P2RY12: variants seen among roughly 807,000 people sequenced by gnomAD.
P2RY12 encodes P2Y purinoceptor 12.
P2RY12 carries 3 observed loss-of-function variants against 4.5 expected under a neutral mutation model. The observed-to-expected ratio is 0.67, with a 90% confidence interval of 0.31 to 1.74. P2RY12 has a LOEUF of 1.74. Ranked by LOEUF, P2RY12 falls within the 40% of genes most tolerant of loss-of-function variation. The pLI is 0.09. For missense variants in P2RY12, 356 were observed against 407.8 expected, an observed-to-expected ratio of 0.87 and a Z score of 1.09; for synonymous variants, 148 against 154.1, an observed-to-expected ratio of 0.96 and a Z score of 0.29.
At chr3:151,365,647 AC>A (rs1755184023) in intron 1 of P2RY12, among the ~76,000 whole-genome samples, 1 of 152,224 alleles carries the variant, frequency 6.6e-6, no homozygotes, top group African/African-American at 2.4e-5. Context: ...TTGTTGCTTA[AC>A]AGCATTGTCA....
intron 1 of P2RY12, among the ~76,000 whole-genome samples, chr3:151,383,458 G>T (rs1034345743): frequency 6.6e-6 from 1 of 152,158 alleles, no homozygotes; most frequent in African/African-American, 2.4e-5. Flanking sequence ...CATTATTCAG[G>T]TTTAATTCAA....
chr3:151,384,329 T>G, intron 1 of P2RY12: 1 of 1,118,848 alleles, frequency 8.9e-7, no homozygotes, highest in Non-Finnish European at 1.2e-6. Flanking sequence ...CAACTTAATT[T>G]AATGTGATTA....
intron 1 of P2RY12, chr3:151,357,210 C>A: frequency 6.3e-7 from 1 of 1,588,730 alleles, no homozygotes; most frequent in Non-Finnish European, 8.6e-7. Context: ...TCTCCTGTTA[C>A]AGTTACTAAA....
chr3:151,358,458 G>A (rs933521313), intron 1 of P2RY12, among the ~76,000 whole-genome samples: 5 of 152,102 alleles, frequency 3.3e-5, no homozygotes, highest in South Asian at 2.1e-4. Context: ...AAAATCTTTC[G>A]AACTGGAAGC....
At chr3:151,339,211 C>G (rs904217699) in intron 2 of P2RY12, among the ~76,000 whole-genome samples, 2 of 152,114 alleles carry the variant, frequency 1.3e-5, no homozygotes, top group Admixed American at 1.3e-4. Context: ...TTACTCTTCT[C>G]TAGCTTCCCC....
At chr3:151,382,982 A>C (rs372183050) in intron 1 of P2RY12, among the ~76,000 whole-genome samples, 1 of 152,112 alleles carries the variant, frequency 6.6e-6, no homozygotes, top group East Asian at 1.9e-4. Context: ...TGCCTTCTCT[A>C]CCTCTACCCC....
chr3:151,338,786 G>A lies in P2RY12; in HGVS notation c.60C>T (p.Asp20=), dbSNP rs755282106. ...APGNTSLCTR[D]YKITQVLFPL... ...GGAAGAGGACCTGGGTGATTTTGTA[G>A]TCTCTGGTGCACAGACTGGTGTTAC... The change falls in exon 3 of 3, where the codon GAC becomes GAT. Residue 20 remains aspartate, a synonymous_variant. Coordinates refer to ENST00000302632, the MANE Select transcript of P2RY12 (RefSeq NM_022788.5). 4.3e-6 allele frequency: 7 copies of A among 1,613,952 alleles called. No homozygotes were observed. The South Asian group carries it at 7.7e-5, about 18-fold the overall frequency.
At chr3:151,360,432 T>G (rs1343568397) in intron 1 of P2RY12, 1 of 1,588,772 alleles carries the variant, frequency 6.3e-7, no homozygotes, top group Admixed American at 1.7e-5. Flanking sequence ...ACCCACATAG[T>G]ACAAATCTAT....
Position 151,338,859 on chromosome 3 carries a change from C to T in P2RY12, c.-14G>A, listed in dbSNP as rs1177661446. On this transcript the variant is annotated splice_region_variant and 5_prime_UTR_variant, in exon 3 of 3. Coordinates refer to ENST00000302632, the MANE Select transcript of P2RY12 (RefSeq NM_022788.5). ...GACGGCTTGCATTTCTTGTTGGTTA[C>T]CTAGAGAACAAAAGAGAGGATGGTT... 2.5e-6 allele frequency: 4 copies of T among 1,610,898 alleles called. No individual in the cohort carries two copies. The highest frequency in any genetic ancestry group is 4.5e-5 in the East Asian group (2 of 44,854).
At chr3:151,383,794 G>T in intron 1 of P2RY12, 1 of 1,611,750 alleles carries the variant, frequency 6.2e-7, no homozygotes, top group South Asian at 1.1e-5. Flanking sequence ...AGGAATGTTT[G>T]ACACGGTGCA....
At chr3:151,376,287 CT>C (rs1227854639) in intron 1 of P2RY12, 5 of 1,170,954 alleles carry the variant, frequency 4.3e-6, no homozygotes, top group East Asian at 2.8e-5. Context: ...TACTTCCTCT[CT>C]TTTTTTGTCC....
At chr3:151,382,882 C>G in intron 1 of P2RY12, 1 of 625,444 alleles carries the variant, frequency 1.6e-6, no homozygotes, top group Non-Finnish European at 2.8e-6. Context: ...GTAATTACTT[C>G]CCTGTTTCTA....
At chr3:151,343,138 G>A (rs765613657) in intron 1 of P2RY12, among the ~76,000 whole-genome samples, 6 of 152,112 alleles carry the variant, frequency 3.9e-5, no homozygotes, top group South Asian at 4.1e-4. Flanking sequence ...ATGGTTGTAC[G>A]TCTTTCAATA....
chr3:151,340,439 A>G (rs183928264), intron 2 of P2RY12, among the ~76,000 whole-genome samples, 157 bp downstream of exon 2: 152 of 152,258 alleles, frequency 1.0e-3, no homozygotes, highest in African/African-American at 3.5e-3. Flanking sequence ...GACATCACTA[A>G]TTAGACTTCT....
chr3:151,376,757 C>CA, intron 1 of P2RY12: 1 of 1,490,458 alleles, frequency 6.7e-7, no homozygotes. Flanking sequence ...TATTTTAACA[C>CA]ATTTGATACC....
chr3:151,348,106 T>G (rs74807235), intron 1 of P2RY12, among the ~76,000 whole-genome samples: 1 of 152,148 alleles, frequency 6.6e-6, no homozygotes, highest in African/African-American at 2.4e-5. Context: ...CCTTGTATTT[T>G]TTCAGGGCTC....
chr3:151,341,983 G>A (rs1751907797), intron 1 of P2RY12, among the ~76,000 whole-genome samples: 1 of 152,090 alleles, frequency 6.6e-6, no homozygotes, highest in Non-Finnish European at 1.5e-5. Flanking sequence ...ATCATTGTTG[G>A]ACTTTTGGGT....
chr3:151,347,966 T>C (rs1752732381), intron 1 of P2RY12, among the ~76,000 whole-genome samples: 1 of 152,186 alleles, frequency 6.6e-6, no homozygotes, highest in Middle Eastern at 3.2e-3. Flanking sequence ...ATAGTGATCC[T>C]GTGCGATGTG....
intron 1 of P2RY12, among the ~76,000 whole-genome samples, chr3:151,353,143 C>T (rs954606302): frequency 1.3e-5 from 2 of 152,070 alleles, no homozygotes; most frequent in African/African-American, 4.8e-5. Flanking sequence ...AAAAGGTGCA[C>T]TTGGGAGTTT....
Sources: gnomAD v4.1 joint callset for allele counts (sites outside exome capture counted in the v4.1 genomes callset) on GRCh38, gnomAD v4.1.1 for gene constraint, MANE v1.5 for transcripts, NCBI Gene and HGNC (gene_info 2026-07-23, HGNC 2026-07-21) for gene names.